Variants in ERBB4 observed in about 807,000 individuals in gnomAD.
ERBB4 encodes receptor tyrosine-protein kinase erbB-4.
A neutral mutation model predicts 158.0 loss-of-function variants in ERBB4; 42 were observed. The ratio of observed to expected loss-of-function variants is 0.27; its 90% CI spans 0.21 to 0.34. The LOEUF (loss-of-function observed/expected upper bound fraction) is 0.34, where lower values mean the gene tolerates loss of function less well. ERBB4 is among the 10% of genes least tolerant of loss of function. ERBB4 has a pLI of 1.00. For missense variants in ERBB4, 1,333 were observed against 1,624.1 expected (o/e 0.82, Z 3.08); for synonymous variants, 583 against 558.7 (o/e 1.04, Z -0.61).
intron 1 of ERBB4, among the ~76,000 whole-genome samples, chr2:212,139,334 C>A (rs1434217513): frequency 1.3e-5 from 2 of 151,928 alleles, no homozygotes; most frequent in African/African-American, 2.4e-5. Context: ...CATAGGGATA[C>A]AATATTTGCT....
chr2:211,722,006 G>C (rs2074112862), intron 7 of ERBB4, among the ~76,000 whole-genome samples: 1 of 152,076 alleles, frequency 6.6e-6, no homozygotes, highest in Admixed American at 6.5e-5. Context: ...GGGGCTACAG[G>C]CGCCCGCCAC....
chr2:211,577,390 T>C (rs2067921888), intron 19 of ERBB4, among the ~76,000 whole-genome samples: 1 of 151,956 alleles, frequency 6.6e-6, no homozygotes, highest in African/African-American at 2.4e-5. Context: ...CTCCCATAAA[T>C]AACAGATAAT....
chr2:212,007,405 T>A (rs1042698844), intron 2 of ERBB4, among the ~76,000 whole-genome samples: 10 of 151,870 alleles, frequency 6.6e-5, no homozygotes, highest in African/African-American at 2.4e-4. Context: ...AAAATGACTA[T>A]ATAATGCCCG....
intron 12 of ERBB4, among the ~76,000 whole-genome samples, chr2:211,695,344 T>C (rs2072973651): frequency 6.6e-6 from 1 of 152,238 alleles, no homozygotes; most frequent in African/African-American, 2.4e-5. Flanking sequence ...TTCAGAAACA[T>C]AAAAACCAGA....
chr2:212,253,677 A>T (rs2084622199), intron 1 of ERBB4, among the ~76,000 whole-genome samples: 1 of 152,214 alleles, frequency 6.6e-6, no homozygotes, highest in Non-Finnish European at 1.5e-5. Flanking sequence ...ATTTGTGCAG[A>T]GGTTGAGATA....
chr2:211,810,955 T>G (rs1450032838), intron 3 of ERBB4, among the ~76,000 whole-genome samples: 1 of 151,992 alleles, frequency 6.6e-6, no homozygotes, highest in Non-Finnish European at 1.5e-5. Flanking sequence ...ATTACAGGCG[T>G]GAGCCACCGC....
rs948307997 is a variant in ERBB4, at chr2:211,383,282, G to GAAAGAA, written c.*327_*332dup. 7.6e-6 allele frequency: 2 copies of GAAAGAA among 262,782 alleles called. No individual in the cohort carries two copies. The highest frequency in any genetic ancestry group is 2.4e-5 in the African/African-American group (1 of 42,184). 16.3% of individuals were successfully genotyped at this position (262,782 alleles called of 1,614,324 possible). On this transcript the variant is annotated 3_prime_UTR_variant, in exon 28 of 28. Coordinates refer to ENST00000342788, the MANE Select transcript of ERBB4 (RefSeq NM_005235.3). The stretch of plus-strand genomic sequence containing the variant: ...AAAAGAAGAGGAAGAAAGAAACAAA[G>GAAAGAA]AAAGAAAAAGAAAAAGAAAAAAAGT...
chr2:211,387,230 A>ATCAAAGCCAGTCTT, intron 26 of ERBB4, 80 bp from the exon 27 acceptor site: 2 of 1,133,334 alleles, frequency 1.8e-6, no homozygotes, highest in Admixed American at 3.4e-5. Flanking sequence ...CCACAAGGAT[A>ATCAAAGCCAGTCTT]TCAAAGCCAG....
intron 1 of ERBB4, among the ~76,000 whole-genome samples, chr2:212,317,468 G>A (rs2087342737): frequency 6.6e-6 from 1 of 151,548 alleles, no homozygotes; most frequent in Non-Finnish European, 1.5e-5. Flanking sequence ...ATGCTTTGAA[G>A]TTGAAGTGAG....
chr2:211,650,719 T>C (rs552223146), intron 16 of ERBB4, among the ~76,000 whole-genome samples: 1 of 152,238 alleles, frequency 6.6e-6, no homozygotes, highest in Non-Finnish European at 1.5e-5. Context: ...GCTAAATAAG[T>C]GATTGAAAGT....
intron 20 of ERBB4, among the ~76,000 whole-genome samples, chr2:211,458,509 C>T (rs977323377): frequency 7.2e-5 from 11 of 152,108 alleles, no homozygotes; most frequent in Non-Finnish European, 5.9e-5. Context: ...TTGTGATCCA[C>T]CCACCTCAGC....
At chr2:212,208,548 T>TA (rs2082835074) in intron 1 of ERBB4, among the ~76,000 whole-genome samples, 1 of 152,130 alleles carries the variant, frequency 6.6e-6, no homozygotes, top group Admixed American at 6.6e-5. Context: ...GGAAAATAGT[T>TA]ATGATGATAG....
At chr2:211,767,095 C>T (rs569121339) in intron 4 of ERBB4, among the ~76,000 whole-genome samples, 1 of 152,114 alleles carries the variant, frequency 6.6e-6, no homozygotes, top group Admixed American at 6.5e-5. Flanking sequence ...ACTCTGGAGT[C>T]GCTTGCTCAA....
chr2:211,649,442 G>A (rs1559380394), intron 16 of ERBB4, among the ~76,000 whole-genome samples: 1 of 151,840 alleles, frequency 6.6e-6, no homozygotes, highest in Non-Finnish European at 1.5e-5. Context: ...AAAAACTGAT[G>A]TTTTGGTTTT....
In ERBB4 at chr2:211,715,310, A is replaced by T. The variant is rs946699925; in HGVS notation, c.884-1662T>A. On this transcript the variant is annotated intron_variant, in intron 7 of 27. Coordinates refer to ENST00000342788, the MANE Select transcript of ERBB4 (RefSeq NM_005235.3). ...ATATCCACATGAAAGCATCCACCAC[A>T]ACAAAGAGTCACTTTGTTGAGATGA... Among the ~76,000 whole-genome samples the T allele has an allele frequency of 9.9e-5, 15 of 152,258 alleles. No homozygotes were observed. The South Asian group carries it at 1.2e-3, about 13-fold the overall frequency.
At chr2:211,902,565 A>G (rs2079265020) in intron 3 of ERBB4, among the ~76,000 whole-genome samples, 1 of 151,884 alleles carries the variant, frequency 6.6e-6, no homozygotes, top group Non-Finnish European at 1.5e-5. Context: ...ATTGAAAAGA[A>G]ATAAATTTTC....
chr2:212,275,062 G>C (rs2085478335), intron 1 of ERBB4, among the ~76,000 whole-genome samples: 1 of 151,812 alleles, frequency 6.6e-6, no homozygotes, highest in Admixed American at 6.6e-5. Context: ...TGAGAATGAT[G>C]GTTTCCAGCT....
intron 1 of ERBB4, among the ~76,000 whole-genome samples, chr2:212,300,065 A>G (rs1330087049): frequency 6.6e-6 from 1 of 151,614 alleles, no homozygotes; most frequent in Non-Finnish European, 1.5e-5. Flanking sequence ...TCATTACATC[A>G]GCGAATTAGT....
chr2:211,586,515 T>A (rs1467845266), intron 19 of ERBB4, among the ~76,000 whole-genome samples: 3 of 152,200 alleles, frequency 2.0e-5, no homozygotes, highest in Admixed American at 2.0e-4. Flanking sequence ...TATCTTGTAG[T>A]GGGAAACCCT....
Sources: allele counts gnomAD v4.1 joint callset (sites outside exome capture counted in the v4.1 genomes callset), GRCh38; gene constraint gnomAD v4.1.1; transcripts MANE v1.5; gene names NCBI Gene and HGNC (gene_info 2026-07-23, HGNC 2026-07-21).